Variants in NPAS3 observed in about 807,000 individuals in gnomAD.
NPAS3 encodes the protein neuronal PAS domain protein 3, also known as neuronal PAS domain-containing protein 3.
NPAS3 carries 14 observed loss-of-function variants against 73.1 expected under a neutral mutation model. That is an observed-to-expected ratio of 0.19 (90% CI 0.13 to 0.30). NPAS3 has a LOEUF of 0.30. Among genes scored for constraint, NPAS3 ranks in the 10% least tolerant of loss-of-function variants. The probability of loss-of-function intolerance (pLI) is 1.00; values close to 1 mark genes in which losing one functional copy is unlikely to be tolerated. For synonymous variants in NPAS3, 620 were observed against 541.5 expected (o/e 1.14, Z -2.01); for missense variants, 1,096 against 1,250.0 (o/e 0.88, Z 1.86).
intron 3 of NPAS3, among the ~76,000 whole-genome samples, chr14:33,227,848 G>A (rs903442052): frequency 6.6e-6 from 1 of 152,206 alleles, no homozygotes. Flanking sequence ...TAGGAATGCA[G>A]TGAAAATTAA....
chr14:33,681,697 G>A (rs1320890193), intron 6 of NPAS3, among the ~76,000 whole-genome samples: 1 of 152,148 alleles, frequency 6.6e-6, no homozygotes, highest in Non-Finnish European at 1.5e-5. Context: ...ATTTTATGGT[G>A]AGATAATATC....
intron 6 of NPAS3, among the ~76,000 whole-genome samples, chr14:33,729,201 G>A (rs1251824601): frequency 1.3e-5 from 2 of 151,546 alleles, no homozygotes; most frequent in Non-Finnish European, 3.0e-5. Context: ...ATTTACTTTT[G>A]AAAATATAGA....
intron 3 of NPAS3, among the ~76,000 whole-genome samples, chr14:33,236,298 C>T (rs953766828): frequency 2.0e-4 from 31 of 152,186 alleles, no homozygotes; most frequent in African/African-American, 7.0e-4. Flanking sequence ...CTGGCCTGCT[C>T]CTGTGTGTTA....
At chr14:33,778,873 AC>A (rs1263497052) in intron 9 of NPAS3, among the ~76,000 whole-genome samples, 15 of 152,056 alleles carry the variant, frequency 9.9e-5, no homozygotes, top group African/African-American at 3.6e-4. Context: ...TGCTACCTTG[AC>A]CCTTTCATTT....
intron 4 of NPAS3, among the ~76,000 whole-genome samples, chr14:33,544,810 A>ATATATAATTATG (rs1237081574): frequency 1.1e-5 from 1 of 92,108 alleles, no homozygotes; most frequent in Non-Finnish European, 2.0e-5. Context: ...ATATATATAT[A>ATATATAATTATG]TGTATATATA....
At chr14:33,466,675 C>A (rs1206544349) in intron 4 of NPAS3, among the ~76,000 whole-genome samples, 1 of 152,088 alleles carries the variant, frequency 6.6e-6, no homozygotes, top group African/African-American at 2.4e-5. Context: ...AATTTACAAT[C>A]GTGGTGGAAG....
At chr14:33,537,184 A>C (rs1484702566) in intron 4 of NPAS3, among the ~76,000 whole-genome samples, 1 of 152,162 alleles carries the variant, frequency 6.6e-6, no homozygotes, top group Non-Finnish European at 1.5e-5. Flanking sequence ...AAAATAAATG[A>C]ACATTTTTGT....
chr14:33,123,861 CTT>C (rs35332896), intron 2 of NPAS3, among the ~76,000 whole-genome samples: 39,515 of 80,384 alleles, frequency 0.49, 6,379 homozygotes, highest in African/African-American at 0.57. Flanking sequence ...TTCTTTCTTT[CTT>C]TTTTTTTTTT....
At chr14:33,709,780 A>G (rs1032922041) in intron 6 of NPAS3, among the ~76,000 whole-genome samples, 13 of 152,188 alleles carry the variant, frequency 8.5e-5, no homozygotes, top group Admixed American at 6.5e-5. Context: ...TTTCTGCTTC[A>G]CCAAATAAGA....
chr14:33,209,796 T>G (rs2046964140), intron 2 of NPAS3, among the ~76,000 whole-genome samples: 1 of 152,204 alleles, frequency 6.6e-6, no homozygotes, highest in Non-Finnish European at 1.5e-5. Context: ...TATAGTTAGA[T>G]AACCAAAACC....
chr14:33,629,221 C>G (rs191549799), intron 5 of NPAS3, among the ~76,000 whole-genome samples: 2 of 141,086 alleles, frequency 1.4e-5, no homozygotes, highest in Admixed American at 1.5e-4. Context: ...GGTGACAGAG[C>G]GAGACTCCAT....
intron 6 of NPAS3, among the ~76,000 whole-genome samples, chr14:33,706,425 G>T (rs1424371190): frequency 6.6e-6 from 1 of 152,118 alleles, no homozygotes; most frequent in African/African-American, 2.4e-5. Flanking sequence ...CTCTAGAAAT[G>T]GTGGAGCCAC....
chr14:33,023,204 C>T (rs17099928), intron 1 of NPAS3, among the ~76,000 whole-genome samples: 1 of 151,970 alleles, frequency 6.6e-6, no homozygotes, highest in African/African-American at 2.4e-5. Context: ...CTGACACAAA[C>T]GGTTTGACAA....
intron 4 of NPAS3, among the ~76,000 whole-genome samples, chr14:33,450,853 C>A (rs180864108): frequency 6.6e-6 from 1 of 152,342 alleles, no homozygotes; most frequent in Admixed American, 6.5e-5. Context: ...CCAGGCATTA[C>A]TGGACCTAGA....
intron 1 of NPAS3, among the ~76,000 whole-genome samples, chr14:32,943,170 G>C (rs533095781): frequency 1.3e-5 from 2 of 151,714 alleles, no homozygotes; most frequent in Non-Finnish European, 2.9e-5. Flanking sequence ...AACATTATTC[G>C]ATACTTTTTT....
intron 5 of NPAS3, among the ~76,000 whole-genome samples, chr14:33,616,418 G>A (rs956731389): frequency 5.3e-5 from 8 of 152,136 alleles, no homozygotes; most frequent in South Asian, 4.1e-4. Context: ...ACCCTGTGTC[G>A]CTCTATGGAA....
intron 3 of NPAS3, among the ~76,000 whole-genome samples, chr14:33,229,215 T>A (rs1045206789): frequency 2.0e-5 from 3 of 152,250 alleles, no homozygotes; most frequent in Non-Finnish European, 2.9e-5. Flanking sequence ...TCACATACCA[T>A]ACTTATAAAC....
chr14:33,593,440 A>G (rs2057137294), intron 5 of NPAS3, among the ~76,000 whole-genome samples: 1 of 152,212 alleles, frequency 6.6e-6, no homozygotes, highest in Non-Finnish European at 1.5e-5. Context: ...GAGTAAAAGC[A>G]CTAGAGAATA....
In NPAS3 at chr14:33,462,788, C is replaced by T. The variant is rs183674869; in HGVS notation, c.468+95520C>T. Among the ~76,000 whole-genome samples the T allele has an allele frequency of 9.4e-4, 143 of 152,284 alleles. 1 individual carries two copies. Among genetic ancestry groups the T allele is most frequent in the African/African-American group, 3.2e-3 (134 of 41,560 alleles). On this transcript the variant is annotated intron_variant, in intron 4 of 11. Transcript: ENST00000356141. ...TTCAAAACCTAGCTCTACACACCACCAGCAGTGTGACCTTATGCTAGTTGC... is the reference window on the plus strand; with the variant it reads ...TTCAAAACCTAGCTCTACACACCACTAGCAGTGTGACCTTATGCTAGTTGC...
Sources: gnomAD v4.1 joint callset for allele counts (sites outside exome capture counted in the v4.1 genomes callset) on GRCh38, gnomAD v4.1.1 for gene constraint, MANE v1.5 for transcripts, NCBI Gene and HGNC (gene_info 2026-07-23, HGNC 2026-07-21) for gene names.